Variants in DOCK2 observed in about 807,000 individuals in gnomAD.
DOCK2 encodes dedicator of cytokinesis 2.
A neutral mutation model predicts 248.9 loss-of-function variants in DOCK2; 87 were observed. That is an observed-to-expected ratio of 0.35 (90% confidence interval 0.29 to 0.42). DOCK2 has a LOEUF of 0.42. Among genes scored for constraint, DOCK2 ranks in the 10% least tolerant of loss-of-function variants. DOCK2 has a pLI of 1.00. For synonymous variants in DOCK2, 805 were observed against 821.6 expected (o/e 0.98, Z 0.35); for missense variants, 1,747 against 2,300.2 (o/e 0.76, Z 4.92).
At chr5:169,813,613 C>T (rs1301716326) in intron 26 of DOCK2, among the ~76,000 whole-genome samples, 4 of 152,204 alleles carry the variant, frequency 2.6e-5, no homozygotes, top group African/African-American at 9.7e-5. Flanking sequence ...AATCTGCCAC[C>T]CTTTAAGGGT....
intron 22 of DOCK2, among the ~76,000 whole-genome samples, chr5:169,728,863 C>T (rs935477605): frequency 5.9e-5 from 9 of 152,176 alleles, no homozygotes; most frequent in African/African-American, 1.4e-4. Context: ...TGTCTGCTTC[C>T]ACCTCCCTTT....
intron 51 of DOCK2, among the ~76,000 whole-genome samples, chr5:170,082,296 A>G (rs1485775038): frequency 6.6e-6 from 1 of 152,038 alleles, no homozygotes; most frequent in African/African-American, 2.4e-5. Context: ...TTTTTATTCA[A>G]CCTATATCAC....
intron 29 of DOCK2, among the ~76,000 whole-genome samples, chr5:169,989,841 A>G (rs2113792025): frequency 6.6e-6 from 1 of 152,346 alleles, no homozygotes; most frequent in South Asian, 2.1e-4. Context: ...CGCTTCATAA[A>G]TGTTAGTTAT....
chr5:169,667,447 G>C (rs1282715261), intron 2 of DOCK2, among the ~76,000 whole-genome samples: 1 of 152,222 alleles, frequency 6.6e-6, no homozygotes, highest in Admixed American at 6.5e-5. Flanking sequence ...GATTAAATGA[G>C]AGAATGCCTG....
rs759967886 is a variant in DOCK2, at chr5:170,008,605, G to A, written c.3173+8G>A. Reference sequence around the variant, plus strand: ...CAACAAAATCCTGAATAAGTAGGTTGCATTTTTGGATTTCCTGAAGAGGGG... The same window carrying A: ...CAACAAAATCCTGAATAAGTAGGTTACATTTTTGGATTTCCTGAAGAGGGG... On this transcript the variant is annotated splice_region_variant and intron_variant, in intron 31 of 51. Coordinates refer to ENST00000520908, the MANE Select transcript of DOCK2 (RefSeq NM_004946.3). 4 of 1,614,096 alleles carry A rather than the reference G, an allele frequency of 2.5e-6. No homozygotes were observed. The highest frequency in any genetic ancestry group is 2.2e-5 in the East Asian group (1 of 44,880).
intron 22 of DOCK2, among the ~76,000 whole-genome samples, chr5:169,732,674 G>A (rs1197141243): frequency 1.3e-5 from 2 of 152,080 alleles, no homozygotes; most frequent in Non-Finnish European, 2.9e-5. Context: ...CTTTCTCCCT[G>A]AAACGTATCT....
At chr5:169,768,975 C>T (rs918708017) in intron 25 of DOCK2, among the ~76,000 whole-genome samples, 1 of 152,212 alleles carries the variant, frequency 6.6e-6, no homozygotes, top group Non-Finnish European at 1.5e-5. Flanking sequence ...CCTGATGTCT[C>T]AGGCATTTCA....
chr5:169,702,079 A>G (rs1244200033), intron 13 of DOCK2: 4 of 379,196 alleles, frequency 1.1e-5, no homozygotes, highest in African/African-American at 4.1e-5. Context: ...GAGTGTCCCT[A>G]CTTCCCTTTT....
At chr5:169,650,468 T>C (rs185068551) in intron 1 of DOCK2, among the ~76,000 whole-genome samples, 42 of 152,166 alleles carry the variant, frequency 2.8e-4, no homozygotes, top group Non-Finnish European at 1.5e-5. Flanking sequence ...CAGAGACCCT[T>C]CTTTAGTTGT....
chr5:170,070,490 C>T (rs1231782869), intron 46 of DOCK2, among the ~76,000 whole-genome samples: 1 of 152,224 alleles, frequency 6.6e-6, no homozygotes, highest in Non-Finnish European at 1.5e-5. Flanking sequence ...GGAATTTTCT[C>T]TTTCTTTTTA....
At chr5:169,966,214 A>T (rs1026253548) in intron 27 of DOCK2, among the ~76,000 whole-genome samples, 1 of 152,242 alleles carries the variant, frequency 6.6e-6, no homozygotes, top group Admixed American at 6.5e-5. Context: ...TGTTTTAATC[A>T]TAACATAATG....
chr5:169,950,556 G>A (rs373543218), intron 27 of DOCK2, among the ~76,000 whole-genome samples: 2 of 152,288 alleles, frequency 1.3e-5, no homozygotes, highest in African/African-American at 4.8e-5. Context: ...CATTCTCTGG[G>A]GGTTGTGTCA....
chr5:169,708,219 C>T lies in DOCK2; in HGVS notation c.1434C>T (p.Ser478=), dbSNP rs772957061. 17 of 1,613,948 alleles carry T rather than the reference C, an allele frequency of 1.1e-5. No homozygotes were observed. Among genetic ancestry groups the T allele is most frequent in the African/African-American group, 5.3e-5 (4 of 75,042 alleles). ...ACAAGCCCATGAATGAGTATCGCTC[C>T]GTTGTGTACTATCAAGTCAAACAGC... ...AGDKPMNEYR[S]VVYYQVKQPR... is the part of the protein sequence containing the mutation. The change falls in exon 15 of 52, where the codon TCC becomes TCT. Residue 478 remains serine (S), a synonymous_variant. Coordinates refer to ENST00000520908, the MANE Select transcript of DOCK2 (RefSeq NM_004946.3).
intron 19 of DOCK2, 102 bp downstream of exon 19, chr5:169,714,559 C>A (rs1761795883): frequency 7.9e-7 from 1 of 1,268,850 alleles, no homozygotes; most frequent in Non-Finnish European, 1.1e-6. Flanking sequence ...CATGGGGAAA[C>A]TTTTCTTCCA....
At chr5:169,879,425 T>A (rs373668781) in intron 27 of DOCK2, among the ~76,000 whole-genome samples, 1 of 152,226 alleles carries the variant, frequency 6.6e-6, no homozygotes, top group African/African-American at 2.4e-5. Context: ...TGTTCAGATC[T>A]CTGCTTTCAT....
At chr5:169,715,899 T>A (rs1761882470) in intron 19 of DOCK2, among the ~76,000 whole-genome samples, 1 of 152,210 alleles carries the variant, frequency 6.6e-6, no homozygotes. Flanking sequence ...CTGTGCCTGA[T>A]GTATTTTACT....
At chr5:170,044,367 A>G (rs1271810891) in intron 38 of DOCK2, among the ~76,000 whole-genome samples, 2 of 152,072 alleles carry the variant, frequency 1.3e-5, no homozygotes, top group Non-Finnish European at 2.9e-5. Context: ...AATGTGTAAG[A>G]CTCAGAGAAA....
chr5:169,703,920 T>A (rs1278038345), intron 14 of DOCK2: 2 of 152,228 alleles, frequency 1.3e-5, no homozygotes, highest in African/African-American at 4.8e-5. Context: ...ATTGATACGC[T>A]TACCTTCCAT....
intron 26 of DOCK2, among the ~76,000 whole-genome samples, chr5:169,832,974 AAAC>A (rs1480491275): frequency 1.3e-5 from 2 of 152,186 alleles, no homozygotes; most frequent in African/African-American, 4.8e-5. Flanking sequence ...TCCTTGGCAT[AAAC>A]ACAGGGCCAA....
Sources: allele counts gnomAD v4.1 joint callset (sites outside exome capture counted in the v4.1 genomes callset), GRCh38; gene constraint gnomAD v4.1.1; transcripts MANE v1.5; gene names NCBI Gene and HGNC (gene_info 2026-07-23, HGNC 2026-07-21).